IMMP1L: variants seen among roughly 807,000 people sequenced by gnomAD.
The protein encoded by IMMP1L is inner mitochondrial membrane peptidase subunit 1.
A neutral mutation model predicts 21.8 loss-of-function variants in IMMP1L; 24 were observed. The observed-to-expected ratio is 1.10, with a 90% CI of 0.80 to 1.55. The LOEUF is 1.55. IMMP1L is among the 40% of genes most tolerant of loss of function. The pLI is 0.00. For missense variants in IMMP1L, 195 were observed against 200.7 expected (o/e 0.97, Z 0.17); for synonymous variants, 46 against 62.8 (o/e 0.73, Z 1.26).
chr11:31,508,246 T>C (rs562203504), intron 1 of IMMP1L, among the ~76,000 whole-genome samples: 1 of 152,334 alleles, frequency 6.6e-6, no homozygotes, highest in African/African-American at 2.4e-5. Context: ...TAGTGCTTAT[T>C]TACTACAGGA....
rs149238618 is a variant in IMMP1L, at chr11:31,470,653, T to C, written c.-29-7348A>G. On this transcript the variant is annotated intron_variant, in intron 1 of 5. Coordinates refer to ENST00000532287, the MANE Select transcript of IMMP1L (RefSeq NM_001304274.2). ...ATATCCAAGAGAAAGGAAATCAGTATGTTGAAGAGATGTCTGCACTCCTAT... is the reference window on the plus strand; with the variant it reads ...ATATCCAAGAGAAAGGAAATCAGTACGTTGAAGAGATGTCTGCACTCCTAT... Among the ~76,000 whole-genome samples the C allele has an allele frequency of 1.2e-4, 18 of 152,318 alleles. No individual in the cohort carries two copies. In the East Asian group the frequency reaches 2.9e-3, roughly 24 times the overall value.
chr11:31,487,027 A>G (rs1296238534), intron 1 of IMMP1L, among the ~76,000 whole-genome samples: 2 of 151,608 alleles, frequency 1.3e-5, no homozygotes, highest in Non-Finnish European at 3.0e-5. Context: ...CTAAATATTT[A>G]ATTTATAATT....
At chr11:31,465,031 T>TAGAATA (rs770713979) in intron 1 of IMMP1L, among the ~76,000 whole-genome samples, 1 of 152,052 alleles carries the variant, frequency 6.6e-6, no homozygotes, top group Non-Finnish European at 1.5e-5. Context: ...ATCTTATATA[T>TAGAATA]AGAAAAACCT....
intron 1 of IMMP1L, among the ~76,000 whole-genome samples, chr11:31,480,368 C>A (rs377345318): frequency 6.6e-6 from 1 of 151,808 alleles, no homozygotes; most frequent in Non-Finnish European, 1.5e-5. Flanking sequence ...TTTAAAAAAT[C>A]CTTTAATAAA....
At chr11:31,440,537 T>A (rs893314745) in intron 4 of IMMP1L, among the ~76,000 whole-genome samples, 1 of 152,070 alleles carries the variant, frequency 6.6e-6, no homozygotes, top group African/African-American at 2.4e-5. Flanking sequence ...ATTACAGGCA[T>A]GCACCACCAT....
intron 2 of IMMP1L, among the ~76,000 whole-genome samples, 190 bp downstream of exon 2, chr11:31,462,982 T>C (rs1056445372): frequency 6.6e-6 from 1 of 152,210 alleles, no homozygotes; most frequent in African/African-American, 2.4e-5. Context: ...ATGGTCCTTA[T>C]ACCTTCTATC....
chr11:31,481,958 A>G lies in IMMP1L; in HGVS notation c.-29-18653T>C, dbSNP rs182173272. On this transcript the variant is annotated intron_variant, in intron 1 of 5. Coordinates refer to ENST00000532287, the MANE Select transcript of IMMP1L (RefSeq NM_001304274.2). ...ATTTATGAATACTATTGCTTAAAAT[A>G]TTAAAAATCATAACATTTATCTCTT... 1.6e-3 allele frequency among the ~76,000 whole-genome samples: 240 copies of G among 152,212 alleles called. 1 individual carries two copies. Among genetic ancestry groups the G allele is most frequent in the Non-Finnish European group, 2.0e-3 (134 of 67,968 alleles).
At chr11:31,435,033 A>G (rs958146401) in intron 4 of IMMP1L, among the ~76,000 whole-genome samples, 6 of 152,240 alleles carry the variant, frequency 3.9e-5, no homozygotes, top group African/African-American at 1.4e-4. Context: ...TGATAAAGCT[A>G]TAAGGTGAAC....
intron 4 of IMMP1L, among the ~76,000 whole-genome samples, chr11:31,450,481 A>G (rs151290518): frequency 6.6e-6 from 1 of 152,328 alleles, no homozygotes; most frequent in East Asian, 1.9e-4. Context: ...GCTTAAAGAA[A>G]GGCCTGAAAA....
At chr11:31,502,205 C>A (rs1955643968) in intron 1 of IMMP1L, among the ~76,000 whole-genome samples, 1 of 152,062 alleles carries the variant, frequency 6.6e-6, no homozygotes, top group South Asian at 2.1e-4. Flanking sequence ...TGAATGCTAT[C>A]ACATTTGAAA....
intron 4 of IMMP1L, 54 bp from the exon 5 acceptor site, chr11:31,433,624 T>A: frequency 8.9e-7 from 1 of 1,117,916 alleles, no homozygotes; most frequent in East Asian, 2.4e-5. Flanking sequence ...ATTTGGGTAC[T>A]ATAATTAAAA....
chr11:31,446,950 G>A (rs1219032018), intron 4 of IMMP1L, among the ~76,000 whole-genome samples: 1 of 152,120 alleles, frequency 6.6e-6, no homozygotes, highest in Non-Finnish European at 1.5e-5. Context: ...ATAAAATTAA[G>A]AATTCAGTTC....
intron 4 of IMMP1L, among the ~76,000 whole-genome samples, chr11:31,438,891 A>G (rs919447450): frequency 6.6e-6 from 1 of 152,214 alleles, no homozygotes; most frequent in Non-Finnish European, 1.5e-5. Flanking sequence ...ACTTCATGTA[A>G]GGTAAGAAAG....
chr11:31,452,624 T>C (rs1953794089), intron 4 of IMMP1L: 2 of 985,826 alleles, frequency 2.0e-6, no homozygotes, highest in African/African-American at 1.7e-5. Context: ...TGACAATTTG[T>C]TTCTTTTGAG....
At chr11:31,477,548 G>T in intron 1 of IMMP1L, 1 of 985,092 alleles carries the variant, frequency 1.0e-6, no homozygotes, top group Non-Finnish European at 1.2e-6. Context: ...AGTTAGCAGG[G>T]CAGAAATAGC....
chr11:31,509,333 G>A lies in IMMP1L; in HGVS notation c.-30+186C>T, dbSNP rs548788338. 5.4e-5 allele frequency: 9 copies of A among 165,284 alleles called. No homozygotes were observed. The South Asian group carries it at 7.2e-4, about 13-fold the overall frequency. 10.2% of individuals were successfully genotyped at this position (165,284 alleles called of 1,614,324 possible). The stretch of plus-strand genomic sequence containing the variant: ...AAAAAGACATCGTGGGGAAGGCGGA[G>A]TGAATTTTCTATCAGAAATCAGAAG... On this transcript the variant is annotated intron_variant, in intron 1 of 5. Transcript: ENST00000532287.
chr11:31,451,568 C>T (rs917308471), intron 4 of IMMP1L, among the ~76,000 whole-genome samples: 22 of 152,096 alleles, frequency 1.4e-4, no homozygotes, highest in African/African-American at 4.8e-4. Context: ...TTTTCTTCCC[C>T]ATATGATGGG....
intron 1 of IMMP1L, among the ~76,000 whole-genome samples, chr11:31,469,372 A>C (rs1325353116): frequency 6.6e-6 from 1 of 152,200 alleles, no homozygotes; most frequent in Non-Finnish European, 1.5e-5. Flanking sequence ...AACAGAAGGA[A>C]AGACAAAAGT....
intron 1 of IMMP1L, among the ~76,000 whole-genome samples, chr11:31,486,144 C>A (rs1447947998): frequency 6.6e-6 from 1 of 151,172 alleles, no homozygotes; most frequent in Non-Finnish European, 1.5e-5. Context: ...GAAGGAATAT[C>A]TGATTTTTTC....
Sources: allele counts gnomAD v4.1 joint callset (sites outside exome capture counted in the v4.1 genomes callset), GRCh38; gene constraint gnomAD v4.1.1; transcripts MANE v1.5; gene names NCBI Gene and HGNC (gene_info 2026-07-23, HGNC 2026-07-21).